Variants in PAK4 observed in about 807,000 individuals in gnomAD.
The protein encoded by PAK4 is serine/threonine-protein kinase PAK 4.
Under a neutral mutation model 53.5 loss-of-function variants are expected in PAK4, and 49 were observed. The observed-to-expected ratio is 0.92, with a 90% CI of 0.73 to 1.16. PAK4 has a LOEUF of 1.16. Ranked by LOEUF, PAK4 falls within the 50% of genes most tolerant of loss-of-function variation. PAK4 has a pLI of 0.00. For synonymous variants in PAK4, 376 were observed against 375.6 expected, an observed-to-expected ratio of 1.00 and a Z score of -0.01; for missense variants, 824 against 850.7, an observed-to-expected ratio of 0.97 and a Z score of 0.39.
At chr19:39,132,805 C>G (rs1257973756) in intron 1 of PAK4, among the ~76,000 whole-genome samples, 1 of 152,244 alleles carries the variant, frequency 6.6e-6, no homozygotes, top group Non-Finnish European at 1.5e-5. Flanking sequence ...TCCTCACTCC[C>G]TTGCTGGAAT....
chr19:39,145,450 C>T (rs2073983919), intron 1 of PAK4, among the ~76,000 whole-genome samples: 1 of 152,090 alleles, frequency 6.6e-6, no homozygotes, highest in Non-Finnish European at 1.5e-5. Flanking sequence ...GTCAGGGCAC[C>T]CCTACCCCTG....
rs771728038 is a variant in PAK4 at position 39,173,643 on chromosome 19, C to T, written c.731C>T (p.Ser244Phe). ...GGCCTGGCCATCCCCCAGTCCTCCT[C>T]CTCCTCCTCCCGGCCTCCCACCCGA... Residue 244 changes from serine (S) to phenylalanine (F), a missense_variant, in exon 4 of 9, where the codon TCC becomes TTC. By Grantham distance (155) the Ser-to-Phe change is radical (BLOSUM62 -2). This residue lies in a region of PAK4 where 478 missense variants were observed against 435.8 expected (regional missense o/e 1.10). Coordinates refer to ENST00000358301, the Ensembl canonical transcript of PAK4. This position sits in a 1 kb window ranked among gnomAD's most constrained non-coding sequence, Gnocchi z 6.9. The T allele has an allele frequency of 8.3e-6, 13 of 1,571,598 alleles. No individual in the cohort carries two copies. In the South Asian group the frequency reaches 1.5e-4, roughly 19 times the overall value.
chr19:39,158,078 G>T lies in PAK4; in HGVS notation c.-22-11454G>T, dbSNP rs879610951. On this transcript the variant is annotated intron_variant, in intron 1 of 8. Coordinates refer to ENST00000358301, the Ensembl canonical transcript of PAK4. Reference sequence around the variant, plus strand: ...TGTGAGCGTGTGTGTGAGCATGCATGTGTGTGTGTGCATGTGTGTGCATGC... The same window carrying T: ...TGTGAGCGTGTGTGTGAGCATGCATTTGTGTGTGTGCATGTGTGTGCATGC... Among the ~76,000 whole-genome samples the T allele has an allele frequency of 5.2e-5, 4 of 77,014 alleles. No individual in the cohort carries two copies. The East Asian group carries it at 1.9e-3, about 36-fold the overall frequency. The allele number at this position is 77,014 out of a possible 152,430, so 50.5% of individuals were successfully genotyped here.
chr19:39,176,446 G>A (rs2074606662), intron 6 of PAK4, 144 bp from the exon 8 acceptor site: 1 of 1,104,216 alleles, frequency 9.1e-7, no homozygotes, highest in Non-Finnish European at 1.3e-6. Flanking sequence ...TCTGGCTCTA[G>A]ACCCCAGCTC....
intron 6 of PAK4, among the ~76,000 whole-genome samples, chr19:39,176,155 C>T (rs2074600140): frequency 1.3e-5 from 2 of 152,224 alleles, no homozygotes; most frequent in South Asian, 4.1e-4. Context: ...GTGTGAGAGG[C>T]CTGGTTGTCG....
Position 39,173,057 on chromosome 19 carries a change from A to G in PAK4, c.344A>G (p.Asn115Ser). The G allele has an allele frequency of 6.5e-7, 1 of 1,549,030 alleles. No homozygotes were observed. The highest frequency in any genetic ancestry group is 8.7e-7 in the Non-Finnish European group (1 of 1,146,788). ...CCGCCCGCCCGTGCCCGCCAGGAAAATGGGATGCCAGAGGAGCCGGCCACC... is the reference window on the plus strand; with the variant it reads ...CCGCCCGCCCGTGCCCGCCAGGAAAGTGGGATGCCAGAGGAGCCGGCCACC... Residue 115 changes from asparagine (N) to serine (S), a missense_variant, in exon 3 of 9, where the codon AAT becomes AGT. Transcript: ENST00000358301. The surrounding 1 kb of genome is among the most constrained non-coding windows in gnomAD (Gnocchi z 6.9).
intron 1 of PAK4, among the ~76,000 whole-genome samples, chr19:39,140,461 C>T (rs528664589): frequency 1.3e-5 from 2 of 152,252 alleles, no homozygotes; most frequent in African/African-American, 2.4e-5. Flanking sequence ...TTGACTCTGA[C>T]ATGCCCTGTG....
intron 2 of PAK4, 146 bp from the exon 4 acceptor site, chr19:39,172,772 T>C (rs112818903): frequency 1.4e-6 from 1 of 722,484 alleles, no homozygotes; most frequent in East Asian, 2.7e-5. Flanking sequence ...GCACTGCCCA[T>C]GCCATTGTCA....
At chr19:39,156,331 A>C (rs1600359794) in intron 1 of PAK4, among the ~76,000 whole-genome samples, 3 of 132,612 alleles carry the variant, frequency 2.3e-5, no homozygotes, top group Non-Finnish European at 1.6e-5. Flanking sequence ...GTCACTCCCC[A>C]GCCACCCCCA....
intron 1 of PAK4, among the ~76,000 whole-genome samples, chr19:39,148,600 G>A (rs918352400): frequency 1.3e-5 from 2 of 150,058 alleles, no homozygotes; most frequent in African/African-American, 2.4e-5. Context: ...GACTAGGGAG[G>A]CGCCCACCAC....
In PAK4 at chr19:39,131,375, C is replaced by T. The variant is rs1439154580; in HGVS notation, c.-23+5456C>T. Among the ~76,000 whole-genome samples, 5 of 152,198 alleles carry T rather than the reference C, an allele frequency of 3.3e-5. No individual in the cohort carries two copies. The East Asian group carries it at 9.6e-4, about 29-fold the overall frequency. On this transcript the variant is annotated intron_variant, in intron 1 of 8. Coordinates refer to ENST00000358301, the Ensembl canonical transcript of PAK4. ...CTTTCCTTTCTCATCTACTCCTCGT[C>T]CCACTGGCTCGTGGTGAGCCAGACT...
downstream of PAK4, chr19:39,180,780 A>T (rs1280882760): frequency 2.0e-5 from 3 of 152,202 alleles, no homozygotes; most frequent in African/African-American, 7.2e-5. Flanking sequence ...GGAGCAGGTA[A>T]TTCCTTCTAC....
chr19:39,152,350 G>A (rs1028075430), intron 1 of PAK4: 2 of 152,104 alleles, frequency 1.3e-5, no homozygotes, highest in African/African-American at 4.8e-5. Flanking sequence ...AGCTTTCTCG[G>A]TTCTCACATC....
At position 39,173,887 on chromosome 19, in the gene PAK4, C is replaced by T. The variant is rs1001018297; in HGVS notation, c.975C>T (p.Ile325=). ...CCCGCTCCTACCTGGACAACTTCAT[C>T]AAGATTGGCGAGGGCTCCACGGGCA... Residue 325 remains isoleucine, a synonymous_variant, in exon 4 of 9, where the codon ATC becomes ATT. Transcript: ENST00000358301. This position sits in a 1 kb window ranked among gnomAD's most constrained non-coding sequence, Gnocchi z 6.9. 3 of 1,612,702 alleles carry T rather than the reference C, an allele frequency of 1.9e-6. No individual in the cohort carries two copies. The highest frequency in any genetic ancestry group is 1.7e-5 in the Admixed American group (1 of 59,992).
At chr19:39,132,083 C>T (rs1054326257) in intron 1 of PAK4, among the ~76,000 whole-genome samples, 4 of 152,184 alleles carry the variant, frequency 2.6e-5, no homozygotes, top group African/African-American at 7.2e-5. Context: ...GCCCCCCGCC[C>T]GGGGTCCCAG....
intron 1 of PAK4, among the ~76,000 whole-genome samples, chr19:39,131,202 C>T (rs1473847507): frequency 4.6e-5 from 7 of 152,142 alleles, no homozygotes; most frequent in East Asian, 3.9e-4. Flanking sequence ...GCTGCCCTCC[C>T]GTGGTTTGGA....
chr19:39,181,309 C>T (rs929205107), downstream of PAK4: 6 of 152,258 alleles, frequency 3.9e-5, no homozygotes, highest in African/African-American at 7.2e-5. Context: ...AGGCCCCGTT[C>T]CTCCCCACGT....
chr19:39,155,494 A>G (rs1373285344), intron 1 of PAK4, among the ~76,000 whole-genome samples: 1 of 151,892 alleles, frequency 6.6e-6, no homozygotes, highest in Non-Finnish European at 1.5e-5. Context: ...GTGGGGCCGG[A>G]GGGTGAGAAG....
In PAK4 at chr19:39,176,415, G is replaced by C. The variant is rs1048894402; in HGVS notation, c.1360-175G>C. On this transcript the variant is annotated intron_variant, in intron 6 of 8. Coordinates refer to ENST00000358301, the Ensembl canonical transcript of PAK4. The stretch of plus-strand genomic sequence containing the variant: ...ACTTGCCCGAGGGCCCCCACCAGGA[G>C]GTGGTGGAGCTCCCCATTGGTCTGG... The C allele has an allele frequency of 5.2e-6, 4 of 776,418 alleles. No individual in the cohort carries two copies. In the African/African-American group the frequency reaches 6.9e-5, roughly 13 times the overall value. The allele number at this position is 776,418 out of a possible 1,614,324, so 48.1% of individuals were successfully genotyped here. A position where few individuals can be genotyped will look rare whatever the true frequency, so the allele number is the denominator to read the frequency against.
Sources: allele counts gnomAD v4.1 joint callset (sites outside exome capture counted in the v4.1 genomes callset), GRCh38; gene constraint gnomAD v4.1.1; regional missense constraint gnomAD v4.1.1; non-coding constraint Gnocchi (gnomAD v3.1); transcripts MANE v1.5; gene names NCBI Gene and HGNC (gene_info 2026-07-23, HGNC 2026-07-21).